Variants in ENTREP2 observed in about 807,000 individuals in gnomAD.
The protein encoded by ENTREP2 is protein ENTREP2.
chr15:29,394,882 C>CTTTTTTT, the ENTREP2 span, among the ~76,000 whole-genome samples: 2 of 95,892 alleles, frequency 2.1e-5, no homozygotes, highest in African/African-American at 1.1e-4. Flanking sequence ...GTCAGAATCT[C>CTTTTTTT]TTTTTTTTTT....
the ENTREP2 span, among the ~76,000 whole-genome samples, chr15:29,284,907 T>G: frequency 1.3e-5 from 2 of 152,228 alleles, no homozygotes; most frequent in African/African-American, 4.8e-5. Context: ...ATGCAAGTTA[T>G]AACACAATTT....
chr15:29,562,090 G>C, the ENTREP2 span, among the ~76,000 whole-genome samples: 37 of 152,356 alleles, frequency 2.4e-4, no homozygotes, highest in African/African-American at 8.4e-4. Flanking sequence ...TAATCAGATG[G>C]ATCCAGGTTC....
At chr15:29,474,566 T>C in the ENTREP2 span, among the ~76,000 whole-genome samples, 1 of 152,072 alleles carries the variant, frequency 6.6e-6, no homozygotes, top group South Asian at 2.1e-4. Context: ...TGTTTTTTTT[T>C]CCTTTGGAGA....
the ENTREP2 span, among the ~76,000 whole-genome samples, chr15:29,659,091 T>C: frequency 0.011 from 1,712 of 152,346 alleles, 34 homozygotes; most frequent in African/African-American, 0.04. Flanking sequence ...TTCCTGATTT[T>C]TTTTTCCCTG....
the ENTREP2 span, among the ~76,000 whole-genome samples, chr15:29,347,053 T>C: frequency 6.6e-6 from 1 of 152,216 alleles, no homozygotes; most frequent in Non-Finnish European, 1.5e-5. Flanking sequence ...CAGAACCGCC[T>C]CATACACACA....
At chr15:29,513,942 A>G in the ENTREP2 span, among the ~76,000 whole-genome samples, 2 of 152,240 alleles carry the variant, frequency 1.3e-5, no homozygotes, top group Non-Finnish European at 2.9e-5. Context: ...CAGTGTCTAC[A>G]TTCTAGAGGG....
At chr15:29,123,747 T>C in the ENTREP2 span, 1 of 1,324,690 alleles carries the variant, frequency 7.5e-7, no homozygotes. Flanking sequence ...AGGAGCCTCC[T>C]GCTGGGGTTT....
At chr15:29,566,898 C>T in the ENTREP2 span, among the ~76,000 whole-genome samples, 5 of 144,714 alleles carry the variant, frequency 3.5e-5, no homozygotes, top group Non-Finnish European at 7.4e-5. Context: ...CCAATGGCTA[C>T]GTCTTTACCA....
chr15:29,643,520 C>T, the ENTREP2 span, among the ~76,000 whole-genome samples: 5 of 152,134 alleles, frequency 3.3e-5, no homozygotes, highest in Admixed American at 6.5e-5. Context: ...CAGTGGCTCA[C>T]GCCTGTAATC....
At chr15:29,636,150 A>C in the ENTREP2 span, among the ~76,000 whole-genome samples, 1 of 152,204 alleles carries the variant, frequency 6.6e-6, no homozygotes, top group South Asian at 2.1e-4. Context: ...CAGCTCCTGC[A>C]ACTCTCACCA....
At chr15:29,204,050 G>A in the ENTREP2 span, among the ~76,000 whole-genome samples, 1 of 152,180 alleles carries the variant, frequency 6.6e-6, no homozygotes, top group South Asian at 2.1e-4. Context: ...ATTTCACTGA[G>A]TTTGTGATTA....
chr15:29,132,363 G>C, the ENTREP2 span, among the ~76,000 whole-genome samples: 1 of 152,170 alleles, frequency 6.6e-6, no homozygotes, highest in Non-Finnish European at 1.5e-5. Flanking sequence ...GAATTGAAAA[G>C]TGCTCCCAGG....
At chr15:29,453,754 C>A in the ENTREP2 span, among the ~76,000 whole-genome samples, 7 of 152,168 alleles carry the variant, frequency 4.6e-5, no homozygotes, top group African/African-American at 1.7e-4. Flanking sequence ...AAATTGGAAT[C>A]CTACTGTATA....
the ENTREP2 span, among the ~76,000 whole-genome samples, chr15:29,313,299 C>T: frequency 1.3e-5 from 2 of 152,128 alleles, no homozygotes; most frequent in Non-Finnish European, 2.9e-5. Flanking sequence ...TCAGTGTAGA[C>T]AAAACAGCCT....
At chr15:29,665,911 T>C in the ENTREP2 span, among the ~76,000 whole-genome samples, 1 of 148,370 alleles carries the variant, frequency 6.7e-6, no homozygotes, top group Non-Finnish European at 1.5e-5. Context: ...CGGAGTGCAG[T>C]GGTGCGATCT....
At chr15:29,275,596 G>T in the ENTREP2 span, among the ~76,000 whole-genome samples, 2 of 152,222 alleles carry the variant, frequency 1.3e-5, no homozygotes, top group Non-Finnish European at 2.9e-5. Flanking sequence ...AGCTAGCTAA[G>T]ATTTCAAGTG....
chr15:29,620,458 C>T, the ENTREP2 span, among the ~76,000 whole-genome samples: 13 of 151,954 alleles, frequency 8.6e-5, no homozygotes, highest in African/African-American at 3.1e-4. Context: ...TGCTGTTTTC[C>T]CCTCCACCTT....
the ENTREP2 span, among the ~76,000 whole-genome samples, chr15:29,328,339 T>C: frequency 6.6e-6 from 1 of 152,214 alleles, no homozygotes; most frequent in African/African-American, 2.4e-5. Context: ...TTTTATGATA[T>C]GTAATTGTGG....
At chr15:29,226,661 A>G in the ENTREP2 span, among the ~76,000 whole-genome samples, 1 of 152,212 alleles carries the variant, frequency 6.6e-6, no homozygotes, top group Non-Finnish European at 1.5e-5. Flanking sequence ...CCTGGTTACT[A>G]TGGGGCTCTT....
Sources: gnomAD v4.1 joint callset for allele counts (sites outside exome capture counted in the v4.1 genomes callset) on GRCh38, gnomAD v4.1.1 for gene constraint, MANE v1.5 for transcripts, NCBI Gene and HGNC (gene_info 2026-07-23, HGNC 2026-07-21) for gene names.